The following ADGRB3 variants were observed in gnomAD, a reference collection of about 807,000 sequenced individuals.
ADGRB3 encodes the protein adhesion G protein-coupled receptor B3, also known as brain-specific angiogenesis inhibitor 3.
Under a neutral mutation model 193.4 loss-of-function variants are expected in ADGRB3, and 37 were observed. The ratio of observed to expected loss-of-function variants is 0.19; its 90% CI spans 0.15 to 0.25. ADGRB3 has a LOEUF of 0.25. Among genes scored for constraint, ADGRB3 ranks in the 10% least tolerant of loss-of-function variants. The pLI is 1.00. For synonymous variants in ADGRB3, 690 were observed against 644.2 expected (o/e 1.07, Z -1.08); for missense variants, 1,637 against 1,852.9 (o/e 0.88, Z 2.14).
chr6:68,661,130 G>T (rs1365920625), intron 3 of ADGRB3, among the ~76,000 whole-genome samples: 1 of 149,888 alleles, frequency 6.7e-6, no homozygotes, highest in Non-Finnish European at 1.5e-5. Flanking sequence ...TATTACATGA[G>T]ATAGTAATGG....
chr6:69,149,106 T>C (rs557480252), intron 17 of ADGRB3, among the ~76,000 whole-genome samples: 1 of 152,270 alleles, frequency 6.6e-6, no homozygotes, highest in South Asian at 2.1e-4. Context: ...TTCTCTGTTA[T>C]TATCCTTTTG....
At chr6:68,754,861 A>C (rs1466108514) in intron 3 of ADGRB3, among the ~76,000 whole-genome samples, 1 of 152,168 alleles carries the variant, frequency 6.6e-6, no homozygotes, top group Non-Finnish European at 1.5e-5. Context: ...TGTGGGATGA[A>C]AAAGGAAGCC....
chr6:69,020,408 A>G (rs1315720392), intron 13 of ADGRB3, among the ~76,000 whole-genome samples: 1 of 152,048 alleles, frequency 6.6e-6, no homozygotes, highest in African/African-American at 2.4e-5. Context: ...ATGTCCATAA[A>G]TTACAATCAT....
intron 3 of ADGRB3, among the ~76,000 whole-genome samples, chr6:68,833,474 C>A (rs537217837): frequency 6.6e-6 from 1 of 150,574 alleles, no homozygotes; most frequent in African/African-American, 2.4e-5. Context: ...ATTTGAAAAT[C>A]GAATCATTGA....
intron 20 of ADGRB3, among the ~76,000 whole-genome samples, chr6:69,309,257 C>A (rs917260058): frequency 1.3e-5 from 2 of 151,454 alleles, no homozygotes. Context: ...CTATATTCTG[C>A]GAGATAAGAA....
At chr6:68,712,912 A>AT (rs1030198077) in intron 3 of ADGRB3, among the ~76,000 whole-genome samples, 2 of 149,202 alleles carry the variant, frequency 1.3e-5, no homozygotes, top group East Asian at 1.9e-4. Flanking sequence ...TAATAAAATA[A>AT]TTTTTTTTAT....
At chr6:68,807,001 T>A (rs1395346778) in intron 3 of ADGRB3, among the ~76,000 whole-genome samples, 2 of 152,086 alleles carry the variant, frequency 1.3e-5, no homozygotes. Flanking sequence ...CAAGAAAAGG[T>A]TATGCAAAGT....
intron 18 of ADGRB3, 150 bp downstream of exon 18, chr6:69,233,566 G>A (rs1025687708): frequency 4.9e-6 from 5 of 1,026,976 alleles, no homozygotes; most frequent in Non-Finnish European, 7.1e-6. Context: ...TAGTAGCTTG[G>A]TGGAATGAAT....
At chr6:69,232,761 C>G in intron 17 of ADGRB3, 1 of 743,000 alleles carries the variant, frequency 1.3e-6, no homozygotes, top group Non-Finnish European at 2.2e-6. Flanking sequence ...AGGAAAAATC[C>G]CTAACCAGCA....
At chr6:68,949,883 TTTAAC>T (rs150907280) in intron 6 of ADGRB3, among the ~76,000 whole-genome samples, 1,897 of 152,252 alleles carry the variant, frequency 0.012, 38 homozygotes, top group African/African-American at 0.04. Context: ...TCATTCAAAC[TTTAAC>T]TTATCAACTT....
At chr6:68,826,745 A>C (rs761064114) in intron 3 of ADGRB3, among the ~76,000 whole-genome samples, 1 of 152,192 alleles carries the variant, frequency 6.6e-6, no homozygotes, top group Non-Finnish European at 1.5e-5. Flanking sequence ...GTCAGGTCAG[A>C]TTCTGGAAGT....
At chr6:68,688,860 A>G (rs909483326) in intron 3 of ADGRB3, among the ~76,000 whole-genome samples, 1 of 152,158 alleles carries the variant, frequency 6.6e-6, no homozygotes, top group East Asian at 1.9e-4. Flanking sequence ...GGATTTCTGA[A>G]GTCTAACATT....
intron 4 of ADGRB3, 32 bp downstream of exon 4, chr6:68,930,701 G>T (rs565811011): frequency 6.9e-7 from 1 of 1,440,880 alleles, no homozygotes; most frequent in Non-Finnish European, 9.6e-7. Context: ...TCTATTTATT[G>T]TTGTTAATTT....
At chr6:68,799,348 C>T (rs995383696) in intron 3 of ADGRB3, among the ~76,000 whole-genome samples, 1 of 151,996 alleles carries the variant, frequency 6.6e-6, no homozygotes, top group African/African-American at 2.4e-5. Context: ...TTCCCAGTTT[C>T]ATAAAAAGTG....
chr6:68,698,736 G>C lies in ADGRB3; in HGVS notation c.757+59304G>C, dbSNP rs548257694. Among the ~76,000 whole-genome samples the C allele has an allele frequency of 9.9e-5, 15 of 152,108 alleles. No individual in the cohort carries two copies. In the Middle Eastern group the frequency reaches 0.01, roughly 103 times the overall value. ...TGAGAGGGTGCTAGGAAAGCAAATA[G>C]AAAAGATATTTATTCCAGCCTGTGG... On this transcript the variant is annotated intron_variant, in intron 3 of 31. Coordinates refer to ENST00000370598, the MANE Select transcript of ADGRB3 (RefSeq NM_001704.3).
At chr6:69,169,187 G>C (rs1325704492) in intron 17 of ADGRB3, among the ~76,000 whole-genome samples, 1 of 151,988 alleles carries the variant, frequency 6.6e-6, no homozygotes, top group Non-Finnish European at 1.5e-5. Flanking sequence ...ATTGACAGAT[G>C]GATTGGGAAA....
chr6:69,051,926 G>A (rs566421340), intron 15 of ADGRB3, among the ~76,000 whole-genome samples: 2 of 151,990 alleles, frequency 1.3e-5, no homozygotes, highest in Admixed American at 6.5e-5. Flanking sequence ...ACGGAGTCTC[G>A]CTCTGTTGCC....
At chr6:69,125,553 G>A (rs995563669) in intron 17 of ADGRB3, among the ~76,000 whole-genome samples, 45 of 152,042 alleles carry the variant, frequency 3.0e-4, no homozygotes, top group African/African-American at 8.7e-4. Context: ...GCCCTTCCAC[G>A]TGGAAGCAGG....
At chr6:68,785,606 G>A (rs933492773) in intron 3 of ADGRB3, among the ~76,000 whole-genome samples, 10 of 151,818 alleles carry the variant, frequency 6.6e-5, no homozygotes, top group South Asian at 2.1e-4. Context: ...GAATAGTGCC[G>A]CTATAAACAT....
Sources: allele counts gnomAD v4.1 joint callset (sites outside exome capture counted in the v4.1 genomes callset), GRCh38; gene constraint gnomAD v4.1.1; transcripts MANE v1.5; gene names NCBI Gene and HGNC (gene_info 2026-07-23, HGNC 2026-07-21).